Variants in BLTP3A observed in about 807,000 individuals in gnomAD.
BLTP3A encodes ICBP90 binding protein 1.
chr6:34,861,299 T>G, the BLTP3A span, among the ~76,000 whole-genome samples: 2 of 152,284 alleles, frequency 1.3e-5, no homozygotes, highest in South Asian at 4.1e-4. Flanking sequence ...CTAATTTTTG[T>G]ATTTTTGGTA....
chr6:34,867,075 A>G, the BLTP3A span: 1 of 848,552 alleles, frequency 1.2e-6, no homozygotes, highest in Non-Finnish European at 1.7e-6. Flanking sequence ...CCTTAAATTC[A>G]TCAAATATCT....
the BLTP3A span, chr6:34,856,929 G>A: frequency 2.5e-6 from 4 of 1,612,172 alleles, no homozygotes. Flanking sequence ...ACATCCACCA[G>A]GTGAGGACAT....
At chr6:34,799,474 A>G in the BLTP3A span, among the ~76,000 whole-genome samples, 1 of 151,110 alleles carries the variant, frequency 6.6e-6, no homozygotes, top group African/African-American at 2.4e-5. Flanking sequence ...TGGGTGACAG[A>G]GTGAGACCCT....
chr6:34,859,113 T>G, the BLTP3A span: 2 of 1,614,180 alleles, frequency 1.2e-6, no homozygotes, highest in Non-Finnish European at 1.7e-6. Flanking sequence ...TGAAGTCTGA[T>G]GCCTCATCAG....
At chr6:34,797,170 G>A in the BLTP3A span, among the ~76,000 whole-genome samples, 1 of 152,180 alleles carries the variant, frequency 6.6e-6, no homozygotes, top group Non-Finnish European at 1.5e-5. Context: ...TAGGTCCACT[G>A]TGATGGCATG....
At chr6:34,860,167 T>G in the BLTP3A span, among the ~76,000 whole-genome samples, 1 of 152,206 alleles carries the variant, frequency 6.6e-6, no homozygotes, top group South Asian at 2.1e-4. Flanking sequence ...TGGTACCTTA[T>G]CAGTGTCTGT....
chr6:34,844,913 C>T, the BLTP3A span, among the ~76,000 whole-genome samples: 3 of 152,208 alleles, frequency 2.0e-5, no homozygotes, highest in East Asian at 3.8e-4. Flanking sequence ...GAGCATTACT[C>T]AAGAAATCTT....
chr6:34,810,524 C>T, the BLTP3A span, among the ~76,000 whole-genome samples: 1 of 152,320 alleles, frequency 6.6e-6, no homozygotes, highest in Admixed American at 6.5e-5. Context: ...CGCTGTGTCA[C>T]CCAGGCTGGA....
the BLTP3A span, chr6:34,792,142 T>C: frequency 2.2e-6 from 2 of 923,298 alleles, no homozygotes; most frequent in African/African-American, 3.8e-5. Flanking sequence ...CGGCGGCGGC[T>C]GTGTCCGGTG....
At chr6:34,836,082 C>A in the BLTP3A span, 1 of 1,531,332 alleles carries the variant, frequency 6.5e-7, no homozygotes, top group Non-Finnish European at 8.8e-7. Flanking sequence ...TCAGGCTGGA[C>A]CAAAGCTTAA....
chr6:34,823,909 A>G, the BLTP3A span, among the ~76,000 whole-genome samples: 1 of 151,726 alleles, frequency 6.6e-6, no homozygotes, highest in Non-Finnish European at 1.5e-5. Flanking sequence ...ATAGTACTTG[A>G]AAGCAAATCT....
the BLTP3A span, chr6:34,836,013 G>A: frequency 9.9e-7 from 1 of 1,007,084 alleles, no homozygotes; most frequent in Non-Finnish European, 1.5e-6. Context: ...GGACCTAAGT[G>A]AGCTACTAGG....
At chr6:34,834,651 T>C in the BLTP3A span, 25 of 1,571,116 alleles carry the variant, frequency 1.6e-5, no homozygotes, top group South Asian at 3.0e-4. Context: ...CAGTCTTTTT[T>C]CCTTGGACTT....
the BLTP3A span, chr6:34,857,744 A>T: frequency 4.3e-5 from 69 of 1,613,926 alleles, 1 homozygote; most frequent in African/African-American, 7.7e-4. Flanking sequence ...TAATCTCTAC[A>T]TTCAGTTAAA....
the BLTP3A span, chr6:34,867,315 G>C: frequency 1.9e-6 from 3 of 1,614,094 alleles, no homozygotes; most frequent in Non-Finnish European, 2.5e-6. Flanking sequence ...AATAATTATG[G>C]CCAGGGGTCA....
chr6:34,801,789 T>C, the BLTP3A span, among the ~76,000 whole-genome samples: 1 of 152,128 alleles, frequency 6.6e-6, no homozygotes, highest in Non-Finnish European at 1.5e-5. Flanking sequence ...TGGCGCCATC[T>C]CCGCTCACTG....
At chr6:34,851,428 G>T in the BLTP3A span, among the ~76,000 whole-genome samples, 3 of 152,282 alleles carry the variant, frequency 2.0e-5, no homozygotes, top group East Asian at 5.8e-4. Context: ...GTAAGATCAA[G>T]AATTCCCTGT....
chr6:34,800,655 T>C, the BLTP3A span, among the ~76,000 whole-genome samples: 1 of 152,158 alleles, frequency 6.6e-6, no homozygotes, highest in African/African-American at 2.4e-5. Flanking sequence ...TTTCCCAGTA[T>C]CTAGAACCAG....
the BLTP3A span, among the ~76,000 whole-genome samples, chr6:34,848,333 C>T: frequency 2.0e-5 from 3 of 151,570 alleles, no homozygotes; most frequent in Non-Finnish European, 2.9e-5. Flanking sequence ...GGGCCGGGTG[C>T]GGTCACTCAT....
Sources: allele counts gnomAD v4.1 joint callset (sites outside exome capture counted in the v4.1 genomes callset), GRCh38; gene constraint gnomAD v4.1.1; transcripts MANE v1.5; gene names NCBI Gene and HGNC (gene_info 2026-07-23, HGNC 2026-07-21).